Variants in PCDHA7 observed in about 807,000 individuals in gnomAD.
PCDHA7 encodes protocadherin alpha-7.
Under a neutral mutation model 57.2 loss-of-function variants are expected in PCDHA7, and 37 were observed. The observed-to-expected ratio is 0.65, with a 90% CI of 0.50 to 0.85. The LOEUF is 0.85. Ranked by LOEUF, PCDHA7 falls within the 40% of genes least tolerant of loss-of-function variation. The pLI is 0.00. For missense variants in PCDHA7, 1,188 were observed against 1,241.8 expected (o/e 0.96, Z 0.65); for synonymous variants, 553 against 558.8 (o/e 0.99, Z 0.15).
chr5:140,974,613 G>A (rs1416866366), intron 1 of PCDHA7, among the ~76,000 whole-genome samples: 2 of 152,164 alleles, frequency 1.3e-5, no homozygotes, highest in African/African-American at 4.8e-5. Flanking sequence ...CAGGGTTCAA[G>A]CGATTCTCCT....
chr5:140,946,163 T>C (rs1345991689), intron 1 of PCDHA7, among the ~76,000 whole-genome samples: 1 of 151,884 alleles, frequency 6.6e-6, no homozygotes, highest in African/African-American at 2.4e-5. Flanking sequence ...ATTTAAAAGA[T>C]GGGTAAAGGA....
intron 3 of PCDHA7, among the ~76,000 whole-genome samples, chr5:140,986,019 G>T (rs562523452): frequency 1.3e-5 from 2 of 152,036 alleles, no homozygotes; most frequent in African/African-American, 2.4e-5. Flanking sequence ...GATTACAGGC[G>T]TGAGCCACTG....
intron 1 of PCDHA7, chr5:140,843,920 A>G (rs1365256690): frequency 1.6e-6 from 1 of 607,552 alleles, no homozygotes; most frequent in Non-Finnish European, 2.8e-6. Context: ...GTCTATCTTG[A>G]AACTCAAGTT....
chr5:140,937,199 G>A (rs2091405017), intron 1 of PCDHA7, among the ~76,000 whole-genome samples: 2 of 151,792 alleles, frequency 1.3e-5, no homozygotes, highest in Admixed American at 6.6e-5. Context: ...CACCATGCCC[G>A]GCTAATTTTT....
At chr5:140,850,196 A>G (rs1367952118) in intron 1 of PCDHA7, 1 of 1,592,698 alleles carries the variant, frequency 6.3e-7, no homozygotes, top group East Asian at 2.2e-5. Context: ...CGCTGCTGAC[A>G]CCTCGGATGA....
At chr5:140,920,412 ACAGCTGTTCTC>A (rs1294144005) in intron 1 of PCDHA7, among the ~76,000 whole-genome samples, 2 of 152,146 alleles carry the variant, frequency 1.3e-5, no homozygotes, top group African/African-American at 4.8e-5. Context: ...TTAATCAGAT[ACAGCTGTTCTC>A]CCACACACCT....
At position 140,900,569 on chromosome 5, in the gene PCDHA7, A is replaced by AC. The variant is rs201845192; in HGVS notation, c.2355+63833dup. 8.0e-3 allele frequency among the ~76,000 whole-genome samples: 1,218 copies of AC among 152,298 alleles called. 6 individuals carry two copies. Among genetic ancestry groups the AC allele is most frequent in the African/African-American group, 0.019 (786 of 41,566 alleles). On this transcript the variant is annotated intron_variant, in intron 1 of 3. Coordinates refer to ENST00000525929, the MANE Select transcript of PCDHA7 (RefSeq NM_018910.3). The stretch of plus-strand genomic sequence containing the variant: ...TGGGATTACAGGCGTGAGCCACGGC[A>AC]CCGGCCCATTTTCTTTACCCGTTCA...
chr5:140,947,321 A>C (rs1365578593), intron 1 of PCDHA7, among the ~76,000 whole-genome samples: 5 of 151,748 alleles, frequency 3.3e-5, no homozygotes, highest in East Asian at 3.9e-4. Flanking sequence ...AAGTCGGTTG[A>C]CCATAAATGT....
intron 1 of PCDHA7, among the ~76,000 whole-genome samples, chr5:140,900,446 T>C (rs1344652526): frequency 6.6e-6 from 1 of 152,154 alleles, no homozygotes; most frequent in African/African-American, 2.4e-5. Context: ...GCCGGCTAAT[T>C]TTTTATTTTT....
chr5:140,869,135 C>T, intron 1 of PCDHA7: 1 of 1,613,026 alleles, frequency 6.2e-7, no homozygotes. Flanking sequence ...GGATTGGGCA[C>T]CCCACGACTA....
At chr5:140,843,396 C>T (rs2150359152) in intron 1 of PCDHA7, 1 of 1,596,034 alleles carries the variant, frequency 6.3e-7, no homozygotes, top group Non-Finnish European at 8.6e-7. Flanking sequence ...CCGGAAGCGG[C>T]GCTGGTGGAT....
intron 1 of PCDHA7, among the ~76,000 whole-genome samples, chr5:140,938,899 A>G (rs1175857132): frequency 1.3e-5 from 2 of 152,000 alleles, no homozygotes; most frequent in African/African-American, 2.4e-5. Context: ...ACAGATGCGC[A>G]CACACACACA....
intron 1 of PCDHA7, chr5:140,867,619 C>G (rs1554161426): frequency 6.6e-6 from 1 of 152,174 alleles, no homozygotes; most frequent in African/African-American, 2.4e-5. Context: ...AACTATAGAA[C>G]AAAATATTTA....
At chr5:140,881,918 A>G (rs1263343700) in intron 1 of PCDHA7, 3 of 252,356 alleles carry the variant, frequency 1.2e-5, no homozygotes, top group Non-Finnish European at 2.3e-5. Flanking sequence ...TGTTGAGCAG[A>G]ATGCAGTGAT....
rs782153529 is a variant in PCDHA7, at chr5:140,871,456, G to T, written c.2355+34718G>T. 3.1e-6 allele frequency: 5 copies of T among 1,607,166 alleles called. No homozygotes were observed. The South Asian group carries it at 4.4e-5, about 14-fold the overall frequency. On this transcript the variant is annotated intron_variant, in intron 1 of 3. Coordinates refer to ENST00000525929, the MANE Select transcript of PCDHA7 (RefSeq NM_018910.3). ...TCTAGGTCTGAATAAAGAGGAGGAA[G>T]GGGAAAGACAGGAGCCAGGGTCAAA...
At chr5:140,848,371 A>C in intron 1 of PCDHA7, 2 of 1,131,148 alleles carry the variant, frequency 1.8e-6, no homozygotes, top group South Asian at 3.0e-5. Context: ...AAAGAGGCTC[A>C]ATTCTTTTTC....
At position 140,848,981 on chromosome 5, in the gene PCDHA7, C is replaced by A. The variant is rs2150427833; in HGVS notation, c.2355+12243C>A. 2.6e-5 allele frequency: 41 copies of A among 1,598,746 alleles called. No homozygotes were observed. The Middle Eastern group carries it at 5.0e-4, about 19-fold the overall frequency. On this transcript the variant is annotated intron_variant, in intron 1 of 3. Transcript: ENST00000525929. ...TAGAGGGCGCGTCCGATGCAGATAT[C>A]GGGGAGAACGCCCTGCTCACTTACA...
chr5:140,876,723 C>G, intron 1 of PCDHA7: 2 of 1,614,250 alleles, frequency 1.2e-6, no homozygotes, highest in African/African-American at 2.7e-5. Flanking sequence ...ACCGCGAGAG[C>G]GTGTCGGCCT....
At chr5:140,909,505 G>A (rs2074548695) in intron 1 of PCDHA7, among the ~76,000 whole-genome samples, 1 of 152,168 alleles carries the variant, frequency 6.6e-6, no homozygotes. Flanking sequence ...GGATGTGGTG[G>A]GAATCACAAC....
Sources: allele counts gnomAD v4.1 joint callset (sites outside exome capture counted in the v4.1 genomes callset), GRCh38; gene constraint gnomAD v4.1.1; transcripts MANE v1.5; gene names NCBI Gene and HGNC (gene_info 2026-07-23, HGNC 2026-07-21).